The following SPECC1 variants were observed in gnomAD, a reference collection of about 807,000 sequenced individuals.
SPECC1 encodes sperm antigen with calponin homology and coiled-coil domains 1.
Under a neutral mutation model 104.1 loss-of-function variants are expected in SPECC1, and 62 were observed. The ratio of observed to expected loss-of-function variants is 0.60; its 90% CI spans 0.49 to 0.74. SPECC1 has a LOEUF of 0.74. SPECC1 is among the 30% of genes least tolerant of loss of function. The pLI, the probability that SPECC1 is intolerant of heterozygous loss-of-function variation, is 0.00. For synonymous variants in SPECC1, 513 were observed against 501.6 expected (o/e 1.02, Z -0.30); for missense variants, 1,306 against 1,310.5 (o/e 1.00, Z 0.05).
At chr17:20,165,522 G>A (rs987987434) in intron 3 of SPECC1, among the ~76,000 whole-genome samples, 3 of 152,124 alleles carry the variant, frequency 2.0e-5, no homozygotes, top group Admixed American at 6.5e-5. Flanking sequence ...GAACATACAG[G>A]TACATGTATC....
intron 1 of SPECC1, among the ~76,000 whole-genome samples, chr17:20,029,358 G>A (rs2044720254): frequency 6.6e-6 from 1 of 152,016 alleles, no homozygotes; most frequent in Non-Finnish European, 1.5e-5. Context: ...TTGTATATTG[G>A]TTTTCTATCC....
At chr17:20,238,319 A>C in intron 7 of SPECC1, 2 of 1,040,090 alleles carry the variant, frequency 1.9e-6, no homozygotes, top group Non-Finnish European at 2.3e-6. Context: ...AGTGATACAC[A>C]ATTCAAAATG....
At chr17:20,310,197 C>G (rs1280756504) in intron 14 of SPECC1, among the ~76,000 whole-genome samples, 1 of 152,164 alleles carries the variant, frequency 6.6e-6, no homozygotes, top group East Asian at 1.9e-4. Flanking sequence ...CTGTGATGAA[C>G]ATAAGTGTGC....
intron 12 of SPECC1, among the ~76,000 whole-genome samples, chr17:20,289,819 T>A (rs2041098898): frequency 6.6e-6 from 1 of 152,088 alleles, no homozygotes; most frequent in South Asian, 2.1e-4. Flanking sequence ...AACGTCTTTA[T>A]TTAGGAGTAT....
intron 3 of SPECC1, among the ~76,000 whole-genome samples, chr17:20,137,555 TAAAA>T (rs1195845633): frequency 6.6e-6 from 1 of 152,206 alleles, no homozygotes; most frequent in Non-Finnish European, 1.5e-5. Flanking sequence ...AAAACAAACT[TAAAA>T]AAATCCACCT....
rs1189357710 is a variant in SPECC1, at chr17:20,113,515, T to A, written c.283+2953T>A. Among the ~76,000 whole-genome samples, 13 of 152,222 alleles carry A rather than the reference T, an allele frequency of 8.5e-5. 1 individual carries two copies. The highest frequency in any genetic ancestry group is 7.2e-4 in the Admixed American group (11 of 15,282). On this transcript the variant is annotated intron_variant, in intron 3 of 14. Coordinates refer to ENST00000395527, the MANE Select transcript of SPECC1 (RefSeq NM_001243439.2). ...TTAAATACTTGTCACAGCATATGAA[T>A]ATGGTAAGATCAGACTCCCTAAGAC...
chr17:20,266,274 A>G (rs2040213256), intron 12 of SPECC1, among the ~76,000 whole-genome samples: 1 of 152,162 alleles, frequency 6.6e-6, no homozygotes, highest in East Asian at 1.9e-4. Context: ...TATATTGTTC[A>G]GCTCCAGGTA....
rs1440503998 is a variant in SPECC1 at position 20,227,415 on chromosome 17, G to A, written c.1866G>A (p.Val622=). The A allele has an allele frequency of 6.2e-7, 1 of 1,611,084 alleles. No individual in the cohort carries two copies. Among genetic ancestry groups the A allele is most frequent in the Non-Finnish European group, 8.5e-7 (1 of 1,178,728 alleles). Reference sequence around the variant, plus strand: ...AAGGAACCTTCCTTTTATTTTAGGTGGAAAAGGATTATTCATACCTGAAGG... The same window carrying A: ...AAGGAACCTTCCTTTTATTTTAGGTAGAAAAGGATTATTCATACCTGAAGG... The part of the protein sequence containing the change: ...IKHVSSLLAK[V]EKDYSYLKEI... The change falls in exon 5 of 15, where the codon GTG becomes GTA. Residue 622 remains valine, a splice_region_variant and synonymous_variant. Transcript: ENST00000395527.
intron 14 of SPECC1, among the ~76,000 whole-genome samples, chr17:20,313,625 T>TA (rs1158461785): frequency 1.3e-5 from 2 of 152,206 alleles, no homozygotes; most frequent in African/African-American, 4.8e-5. Context: ...TCTGGGGAAT[T>TA]AGAGGTGGAT....
intron 3 of SPECC1, among the ~76,000 whole-genome samples, chr17:20,156,481 C>T (rs1372216675): frequency 6.6e-6 from 1 of 152,142 alleles, no homozygotes; most frequent in Non-Finnish European, 1.5e-5. Flanking sequence ...GGGCAGGCAC[C>T]GCTGGGTCCC....
chr17:20,195,057 T>G (rs1418200755), intron 3 of SPECC1, among the ~76,000 whole-genome samples: 1 of 152,242 alleles, frequency 6.6e-6, no homozygotes, highest in African/African-American at 2.4e-5. Context: ...CGTTTTTTAT[T>G]GGTTCAGTGA....
intron 3 of SPECC1, among the ~76,000 whole-genome samples, chr17:20,199,047 A>G (rs1269384044): frequency 7.3e-6 from 1 of 136,896 alleles, no homozygotes; most frequent in South Asian, 2.5e-4. Context: ...TAGGCTACAT[A>G]TGTGGTAATG....
At chr17:20,054,089 C>G (rs1470214523) in intron 1 of SPECC1, among the ~76,000 whole-genome samples, 1 of 152,206 alleles carries the variant, frequency 6.6e-6, no homozygotes, top group African/African-American at 2.4e-5. Context: ...TATTATTTAT[C>G]ATCTAGACTG....
chr17:20,212,895 T>C (rs141957576), intron 4 of SPECC1, among the ~76,000 whole-genome samples: 268 of 152,308 alleles, frequency 1.8e-3, no homozygotes, highest in Middle Eastern at 6.8e-3. Flanking sequence ...GCAACTAATA[T>C]TTTGGGCTAT....
chr17:20,097,122 G>GC (rs996961313), intron 2 of SPECC1, among the ~76,000 whole-genome samples: 4 of 152,138 alleles, frequency 2.6e-5, no homozygotes, highest in Admixed American at 1.3e-4. Flanking sequence ...GATCTTTGCA[G>GC]CCCCCCACAA....
At chr17:20,283,050 G>A (rs2040827828) in intron 12 of SPECC1, among the ~76,000 whole-genome samples, 1 of 152,098 alleles carries the variant, frequency 6.6e-6, no homozygotes, top group African/African-American at 2.4e-5. Context: ...CAGGCATGGT[G>A]GCTTCCACCT....
At chr17:20,147,203 C>G (rs1199356361) in intron 3 of SPECC1, among the ~76,000 whole-genome samples, 2 of 151,572 alleles carry the variant, frequency 1.3e-5, no homozygotes, top group Admixed American at 6.6e-5. Flanking sequence ...TCCTGAGTAG[C>G]TGGGATTACA....
chr17:20,203,966 G>A (rs2036598774), intron 3 of SPECC1, among the ~76,000 whole-genome samples: 1 of 152,194 alleles, frequency 6.6e-6, no homozygotes. Context: ...CAGGGTGGTT[G>A]CCAGCCATTC....
intron 3 of SPECC1, among the ~76,000 whole-genome samples, chr17:20,132,477 T>C (rs1689460832): frequency 6.6e-6 from 1 of 151,938 alleles, no homozygotes; most frequent in South Asian, 2.1e-4. Flanking sequence ...CTTCGTTAAA[T>C]AATTGGTAGA....
Sources: gnomAD v4.1 joint callset for allele counts (sites outside exome capture counted in the v4.1 genomes callset) on GRCh38, gnomAD v4.1.1 for gene constraint, MANE v1.5 for transcripts, NCBI Gene and HGNC (gene_info 2026-07-23, HGNC 2026-07-21) for gene names.